NRP1: variants seen among roughly 807,000 people sequenced by gnomAD.
NRP1 encodes the protein neuropilin 1.
A neutral mutation model predicts 106.7 loss-of-function variants in NRP1; 35 were observed. That is an observed-to-expected ratio of 0.33 (90% CI 0.25 to 0.43). The LOEUF is 0.43. Ranked by LOEUF, NRP1 falls within the 20% of genes least tolerant of loss-of-function variation. The pLI is 1.00. For missense variants in NRP1, 1,024 were observed against 1,170.4 expected, an observed-to-expected ratio of 0.87 and a Z score of 1.83; for synonymous variants, 437 against 417.9, an observed-to-expected ratio of 1.05 and a Z score of -0.56.
At chr10:33,291,143 T>A (rs1238228580) in intron 2 of NRP1, among the ~76,000 whole-genome samples, 1 of 152,236 alleles carries the variant, frequency 6.6e-6, no homozygotes, top group Non-Finnish European at 1.5e-5. Context: ...AAAAGCTGCC[T>A]GCTTTTTAGA....
chr10:33,224,562 T>A (rs77930652), intron 7 of NRP1, among the ~76,000 whole-genome samples: 1 of 151,720 alleles, frequency 6.6e-6, no homozygotes, highest in Non-Finnish European at 1.5e-5. Context: ...TTTTTTTTTT[T>A]CTTCAACCTT....
intron 6 of NRP1, among the ~76,000 whole-genome samples, chr10:33,246,965 C>A (rs963158498): frequency 2.0e-5 from 3 of 152,058 alleles, no homozygotes; most frequent in East Asian, 1.9e-4. Context: ...TGAAAAAAAT[C>A]AAAAATGATT....
chr10:33,204,320 C>T (rs1252853302), intron 10 of NRP1, among the ~76,000 whole-genome samples: 1 of 152,088 alleles, frequency 6.6e-6, no homozygotes, highest in African/African-American at 2.4e-5. Context: ...CTTCAACGGC[C>T]CAAAGATACA....
chr10:33,273,424 G>T (rs1843456692), intron 2 of NRP1, among the ~76,000 whole-genome samples: 2 of 152,180 alleles, frequency 1.3e-5, no homozygotes, highest in South Asian at 4.1e-4. Flanking sequence ...ACTGGCAAGC[G>T]TGCTGCCAGG....
intron 6 of NRP1, among the ~76,000 whole-genome samples, chr10:33,251,776 C>A (rs1021562857): frequency 1.3e-5 from 2 of 152,100 alleles, no homozygotes; most frequent in Non-Finnish European, 2.9e-5. Flanking sequence ...TTTCAGAGCT[C>A]CTGGAAGACC....
At position 33,226,280 on chromosome 10, in the gene NRP1, C is replaced by T. The variant is rs1839663547; in HGVS notation, c.991G>A (p.Gly331Ser). ...ACAGCCGTGACAAAGCGCAGAAGGC[C>T]CAAGTCTACCTGCAAGACAAGTACA... ...SYREWIQVDL[G>S]LLRFVTAVGT... Residue 331 changes from glycine to serine, a missense_variant, in exon 7 of 17, where the codon GGC (glycine) becomes AGC (serine). By Grantham distance (56) the Gly-to-Ser change is moderately conservative. Coordinates refer to ENST00000374867, the MANE Select transcript of NRP1 (RefSeq NM_003873.7). 1 of 1,614,072 alleles carries T rather than the reference C, an allele frequency of 6.2e-7. No homozygotes were observed. The highest frequency in any genetic ancestry group is 1.1e-5 in the South Asian group (1 of 91,078).
intron 2 of NRP1, among the ~76,000 whole-genome samples, chr10:33,309,433 A>C (rs1317947253): frequency 6.6e-6 from 1 of 152,206 alleles, no homozygotes; most frequent in Non-Finnish European, 1.5e-5. Flanking sequence ...AATCCAAAGA[A>C]ATGCGCGGTG....
intron 4 of NRP1, among the ~76,000 whole-genome samples, chr10:33,258,279 A>G (rs1842338306): frequency 6.6e-6 from 1 of 152,232 alleles, no homozygotes; most frequent in Non-Finnish European, 1.5e-5. Context: ...CCCAAACAAA[A>G]TAAAATAACT....
At chr10:33,274,425 A>G (rs1468991876) in intron 2 of NRP1, among the ~76,000 whole-genome samples, 1 of 152,026 alleles carries the variant, frequency 6.6e-6, no homozygotes, top group Non-Finnish European at 1.5e-5. Context: ...CCTAGAGATT[A>G]TTTTTTTTCT....
chr10:33,252,262 C>T (rs1270120188), intron 6 of NRP1, among the ~76,000 whole-genome samples: 3 of 152,134 alleles, frequency 2.0e-5, no homozygotes, highest in Admixed American at 6.5e-5. Flanking sequence ...GCAATAAAAC[C>T]TTGCACGCAT....
At position 33,187,363 on chromosome 10, in the gene NRP1, C is replaced by CT. The variant is rs762913759; in HGVS notation, c.2063-876dup. On this transcript the variant is annotated intron_variant, in intron 13 of 16. Transcript: ENST00000374867. ...TAGTTTTTCCTAATAATGTAGTAAT[C>CT]TTTTTTTTTATACTTTTCAAGTTCA... is the stretch of plus-strand genomic sequence containing the variant. 1.7e-3 allele frequency among the ~76,000 whole-genome samples: 251 copies of CT among 151,586 alleles called. 1 individual carries two copies. The highest frequency in any genetic ancestry group is 1.4e-3 in the Non-Finnish European group (94 of 67,866).
rs193002954 is a variant in NRP1 at position 33,193,318 on chromosome 10, T to C, written c.1925-900A>G. On this transcript the variant is annotated intron_variant, in intron 12 of 16. Transcript: ENST00000374867. The stretch of plus-strand genomic sequence containing the variant: ...TTGAAAGGAGCTTAACTTTTAAGTA[T>C]GGGAAAAATGAAATCATTGCTACTT... 1.4e-4 allele frequency among the ~76,000 whole-genome samples: 21 copies of C among 152,300 alleles called. No homozygotes were observed. In the East Asian group the frequency reaches 3.5e-3, roughly 25 times the overall value.
At chr10:33,267,284 C>G (rs1348837539) in intron 3 of NRP1, among the ~76,000 whole-genome samples, 1 of 152,100 alleles carries the variant, frequency 6.6e-6, no homozygotes, top group African/African-American at 2.4e-5. Flanking sequence ...TTTGAGAACA[C>G]AGGAGATGAG....
At chr10:33,292,585 C>T (rs1274220216) in intron 2 of NRP1, among the ~76,000 whole-genome samples, 1 of 152,164 alleles carries the variant, frequency 6.6e-6, no homozygotes, top group Non-Finnish European at 1.5e-5. Flanking sequence ...TGAAAGAGGG[C>T]ATCCGAGAAT....
chr10:33,226,725 C>G (rs536503987), intron 6 of NRP1, among the ~76,000 whole-genome samples: 1 of 152,190 alleles, frequency 6.6e-6, no homozygotes, highest in Non-Finnish European at 1.5e-5. Flanking sequence ...TTTACCTGTA[C>G]GTTATCTTAA....
intron 11 of NRP1, among the ~76,000 whole-genome samples, chr10:33,197,955 AATT>A (rs1836911970): frequency 6.6e-6 from 1 of 151,970 alleles, no homozygotes; most frequent in East Asian, 1.9e-4. Flanking sequence ...TAATTGTCTA[AATT>A]AACAAATGGA....
chr10:33,196,164 C>T (rs1283575613), intron 12 of NRP1, among the ~76,000 whole-genome samples: 2 of 152,070 alleles, frequency 1.3e-5, no homozygotes, highest in East Asian at 1.9e-4. Context: ...CTGTTGTTCA[C>T]TTTTATTTTT....
At chr10:33,231,430 G>A (rs1840118830) in intron 6 of NRP1, among the ~76,000 whole-genome samples, 1 of 152,156 alleles carries the variant, frequency 6.6e-6, no homozygotes, top group South Asian at 2.1e-4. Flanking sequence ...AAGTACCTGT[G>A]AATATTTGTA....
intron 11 of NRP1, among the ~76,000 whole-genome samples, chr10:33,199,048 C>T (rs1435665237): frequency 2.6e-5 from 4 of 152,042 alleles, no homozygotes; most frequent in East Asian, 1.9e-4. Flanking sequence ...ACCCATTTCC[C>T]ACTGTTCATC....
Sources: allele counts gnomAD v4.1 joint callset (sites outside exome capture counted in the v4.1 genomes callset), GRCh38; gene constraint gnomAD v4.1.1; transcripts MANE v1.5; gene names NCBI Gene and HGNC (gene_info 2026-07-23, HGNC 2026-07-21).